Variants in FKBP5 observed in about 807,000 individuals in gnomAD.
FKBP5 encodes peptidyl-prolyl cis-trans isomerase FKBP5.
A neutral mutation model predicts 50.5 loss-of-function variants in FKBP5; 23 were observed. The observed-to-expected ratio is 0.46, with a 90% CI of 0.33 to 0.65. The LOEUF (loss-of-function observed/expected upper bound fraction) is 0.65, where lower values mean the gene tolerates loss of function less well. FKBP5 is among the 30% of genes least tolerant of loss of function. The pLI, the probability that FKBP5 is intolerant of heterozygous loss-of-function variation, is 0.02. For missense variants in FKBP5, 411 were observed against 553.1 expected, an observed-to-expected ratio of 0.74 and a Z score of 2.58; for synonymous variants, 176 against 190.6, an observed-to-expected ratio of 0.92 and a Z score of 0.63.
intron 2 of FKBP5, among the ~76,000 whole-genome samples, 192 bp from the exon 3 acceptor site, chr6:35,637,350 TTTATG>T (rs1479117740): frequency 3.9e-5 from 6 of 152,236 alleles, no homozygotes; most frequent in African/African-American, 1.4e-4. Flanking sequence ...CAACTTGTCT[TTTATG>T]TTATATCTAC....
At position 35,576,939 on chromosome 6, in the gene FKBP5, A is replaced by G. The variant is rs918776070; in HGVS notation, c.1266+55T>C. On this transcript the variant is annotated intron_variant, in intron 10 of 10. Transcript: ENST00000357266. ...TTAGCTGTTCCTGTCCCCTAAAATC[A>G]AAGGGGCATGGTCAGGCTCTTGATC... is the stretch of plus-strand genomic sequence containing the variant. 3.8e-6 allele frequency: 6 copies of G among 1,588,410 alleles called. No homozygotes were observed. In the African/African-American group the frequency reaches 8.1e-5, roughly 21 times the overall value.
intron 5 of FKBP5, among the ~76,000 whole-genome samples, chr6:35,613,347 T>C (rs934872519): frequency 4.6e-5 from 7 of 152,194 alleles, no homozygotes; most frequent in African/African-American, 1.2e-4. Context: ...CCCAAGTAGC[T>C]GGGATTACAG....
intron 5 of FKBP5, among the ~76,000 whole-genome samples, chr6:35,616,204 A>G (rs1241006188): frequency 6.7e-6 from 1 of 150,046 alleles, no homozygotes; most frequent in African/African-American, 2.4e-5. Flanking sequence ...AGTCCCAGCT[A>G]CTTGGGAGGC....
At chr6:35,578,832 G>A (rs992247408) in intron 9 of FKBP5, among the ~76,000 whole-genome samples, 1 of 151,706 alleles carries the variant, frequency 6.6e-6, no homozygotes, top group Non-Finnish European at 1.5e-5. Flanking sequence ...AGGGTTAATA[G>A]TGATGCTATA....
intron 8 of FKBP5, chr6:35,582,997 G>T: frequency 1.2e-6 from 1 of 867,240 alleles, no homozygotes; most frequent in Non-Finnish European, 1.4e-6. Context: ...TGAGGCAGGA[G>T]GATCTCTTAA....
At chr6:35,670,668 G>T (rs1765360597) in intron 1 of FKBP5, among the ~76,000 whole-genome samples, 1 of 151,246 alleles carries the variant, frequency 6.6e-6, no homozygotes, top group Non-Finnish European at 1.5e-5. Context: ...GGAGGCGGAG[G>T]TTGCAGTGAG....
intron 8 of FKBP5, chr6:35,582,902 A>C (rs1762480040): frequency 1.1e-6 from 1 of 915,146 alleles, no homozygotes; most frequent in South Asian, 5.0e-5. Flanking sequence ...TAAATATTGA[A>C]ATCAAAGGAA....
intron 2 of FKBP5, among the ~76,000 whole-genome samples, chr6:35,697,119 G>A (rs1182999234): frequency 1.3e-5 from 2 of 152,180 alleles, no homozygotes; most frequent in Non-Finnish European, 2.9e-5. Context: ...AACTCAAACA[G>A]ATACTTGGAT....
At chr6:35,607,565 A>G (rs977841457) in intron 5 of FKBP5, 3 of 152,396 alleles carry the variant, frequency 2.0e-5, no homozygotes, top group African/African-American at 4.8e-5. Context: ...GTGTCCATCA[A>G]TGGTGGATTG....
At chr6:35,644,565 T>A (rs915233188) in intron 1 of FKBP5, among the ~76,000 whole-genome samples, 1 of 152,216 alleles carries the variant, frequency 6.6e-6, no homozygotes, top group African/African-American at 2.4e-5. Context: ...TCTGCTCTAG[T>A]TTCTAGTACG....
In FKBP5 at chr6:35,605,383, C is replaced by CTTTTTTTTTTTT. The variant is rs1158530509; in HGVS notation, c.509-7991_509-7980dup. Among the ~76,000 whole-genome samples, 10 of 52,268 alleles carry CTTTTTTTTTTTT rather than the reference C, an allele frequency of 1.9e-4. 2 individuals are homozygous for CTTTTTTTTTTTT. Among genetic ancestry groups the CTTTTTTTTTTTT allele is most frequent in the Non-Finnish European group, 2.8e-4 (8 of 28,890 alleles). The allele number at this position is 52,268 out of a possible 152,430, so 34.3% of individuals were successfully genotyped here. On this transcript the variant is annotated intron_variant, in intron 5 of 10. Transcript: ENST00000357266. Reference sequence around the variant, plus strand: ...TAATAAGAGCCACCTATGACAATATCTTTTTTTTTTTTTTTTTTTTTTTTT... The same window carrying CTTTTTTTTTTTT: ...TAATAAGAGCCACCTATGACAATATCTTTTTTTTTTTTTTTTTTTTTTTTTTTTTTTTTTTTT...
chr6:35,690,479 G>C (rs1765964091), upstream of FKBP5, among the ~76,000 whole-genome samples: 1 of 150,176 alleles, frequency 6.7e-6, no homozygotes, highest in Admixed American at 6.6e-5. Context: ...AAAAAAAAAA[G>C]GGTGATGATG....
At chr6:35,633,564 A>G (rs1057078475) in intron 3 of FKBP5, among the ~76,000 whole-genome samples, 3 of 151,840 alleles carry the variant, frequency 2.0e-5, no homozygotes, top group Non-Finnish European at 4.4e-5. Flanking sequence ...AAAAAAGGAA[A>G]AAAAAAACCC....
At chr6:35,713,007 G>A (rs565867309) in intron 2 of FKBP5, among the ~76,000 whole-genome samples, 1 of 147,494 alleles carries the variant, frequency 6.8e-6, no homozygotes, top group Non-Finnish European at 1.5e-5. Flanking sequence ...AGCCCTGGAG[G>A]TTAAGGCTGC....
At chr6:35,631,316 G>T (rs1421034376) in intron 3 of FKBP5, among the ~76,000 whole-genome samples, 1 of 152,168 alleles carries the variant, frequency 6.6e-6, no homozygotes, top group Admixed American at 6.5e-5. Context: ...TTAAGTGAAA[G>T]AAGTCAACAC....
chr6:35,635,442 C>T (rs938064242), intron 3 of FKBP5, among the ~76,000 whole-genome samples: 2 of 151,600 alleles, frequency 1.3e-5, no homozygotes, highest in Non-Finnish European at 2.9e-5. Flanking sequence ...CAGATCGAGA[C>T]CCTGTCTCAA....
intron 3 of FKBP5, among the ~76,000 whole-genome samples, chr6:35,620,871 G>A (rs1350833149): frequency 6.6e-6 from 1 of 152,148 alleles, no homozygotes; most frequent in East Asian, 1.9e-4. Context: ...TGTTGCAATT[G>A]TTGCCTAATT....
intron 7 of FKBP5, among the ~76,000 whole-genome samples, chr6:35,588,024 TTATTATTA>T (rs1762664330): frequency 1.3e-5 from 2 of 151,420 alleles, no homozygotes; most frequent in Admixed American, 6.6e-5. Flanking sequence ...ATTATTATTA[TTATTATTA>T]TTTTTTTTTT....
chr6:35,717,145 A>G (rs1024224289), intron 2 of FKBP5, among the ~76,000 whole-genome samples: 3 of 152,180 alleles, frequency 2.0e-5, no homozygotes, highest in Admixed American at 1.3e-4. Flanking sequence ...GCTTTTTCTC[A>G]TTCCCACAGG....
Sources: gnomAD v4.1 joint callset for allele counts (sites outside exome capture counted in the v4.1 genomes callset) on GRCh38, gnomAD v4.1.1 for gene constraint, MANE v1.5 for transcripts, NCBI Gene and HGNC (gene_info 2026-07-23, HGNC 2026-07-21) for gene names.